Variants in KIAA0513 observed in about 807,000 individuals in gnomAD.
The protein encoded by KIAA0513 is KIAA0513, also known as uncharacterized protein KIAA0513.
KIAA0513 carries 39 observed loss-of-function variants against 56.5 expected under a neutral mutation model. The ratio of observed to expected loss-of-function variants is 0.69; its 90% CI spans 0.53 to 0.90. The LOEUF is 0.90. Among genes scored for constraint, KIAA0513 ranks in the 40% least tolerant of loss-of-function variants. KIAA0513 has a pLI of 0.00. For missense variants in KIAA0513, 591 were observed against 535.2 expected (o/e 1.10, Z -1.03); for synonymous variants, 268 against 215.6 (o/e 1.24, Z -2.13).
intron 1 of KIAA0513, among the ~76,000 whole-genome samples, chr16:85,030,988 T>C (rs1471351134): frequency 1.3e-5 from 2 of 152,178 alleles, no homozygotes; most frequent in East Asian, 3.8e-4. Context: ...ATCTACTCCA[T>C]GCTTAGAACA....
chr16:85,080,537 C>T (rs950860236), intron 8 of KIAA0513, among the ~76,000 whole-genome samples: 9 of 152,186 alleles, frequency 5.9e-5, no homozygotes, highest in Non-Finnish European at 1.0e-4. Flanking sequence ...CTCATGCCTG[C>T]AATCCCAGCA....
At chr16:85,087,197 C>T (rs780557561) in intron 12 of KIAA0513, 31 bp downstream of exon 12, 22 of 1,574,686 alleles carry the variant, frequency 1.4e-5, no homozygotes, top group South Asian at 1.0e-4. Flanking sequence ...TGGCAGGAGG[C>T]GGGCAGGGCT....
chr16:85,047,563 G>T (rs1348652751), intron 1 of KIAA0513, among the ~76,000 whole-genome samples: 10 of 152,186 alleles, frequency 6.6e-5, no homozygotes, highest in Non-Finnish European at 2.9e-5. Context: ...GGAAAGGAAG[G>T]TTTCCTCAGA....
intron 2 of KIAA0513, among the ~76,000 whole-genome samples, chr16:85,068,703 G>A (rs1249366809): frequency 6.6e-6 from 1 of 151,940 alleles, no homozygotes; most frequent in Non-Finnish European, 1.5e-5. Context: ...CTGACTTCAG[G>A]TGATCCGCCT....
At chr16:85,047,503 A>T (rs1384257132) in intron 1 of KIAA0513, among the ~76,000 whole-genome samples, 1 of 152,212 alleles carries the variant, frequency 6.6e-6, no homozygotes. Context: ...GACACGGAGA[A>T]AAAAAGCCAG....
chr16:85,070,453 G>T (rs2073556397), intron 2 of KIAA0513, among the ~76,000 whole-genome samples: 1 of 152,148 alleles, frequency 6.6e-6, no homozygotes, highest in Admixed American at 6.5e-5. Context: ...CGAGGCAGGT[G>T]TATCACCTAA....
At chr16:85,031,350 G>A (rs1224995440) in intron 1 of KIAA0513, among the ~76,000 whole-genome samples, 1 of 152,230 alleles carries the variant, frequency 6.6e-6, no homozygotes, top group African/African-American at 2.4e-5. Flanking sequence ...CAGGTGTGGT[G>A]GTGCAAACCT....
chr16:85,052,538 T>C (rs2073268726), intron 1 of KIAA0513, among the ~76,000 whole-genome samples: 1 of 152,122 alleles, frequency 6.6e-6, no homozygotes, highest in East Asian at 1.9e-4. Context: ...AATCAGTCAA[T>C]CAATCAATCG....
chr16:85,055,724 T>A (rs1052046245), intron 1 of KIAA0513, among the ~76,000 whole-genome samples: 3 of 152,324 alleles, frequency 2.0e-5, no homozygotes, highest in African/African-American at 2.4e-5. Context: ...CCTTTTGAAA[T>A]GAGGTTTCCA....
chr16:85,071,351 C>G (rs1031434151), intron 2 of KIAA0513, among the ~76,000 whole-genome samples: 2 of 152,198 alleles, frequency 1.3e-5, no homozygotes, highest in Admixed American at 1.3e-4. Flanking sequence ...AGAGCAAATT[C>G]AGGATGTCTT....
intron 2 of KIAA0513, among the ~76,000 whole-genome samples, chr16:85,070,102 C>G (rs1371183415): frequency 6.6e-6 from 1 of 150,488 alleles, no homozygotes; most frequent in Admixed American, 6.7e-5. Context: ...GCCAGGGAGG[C>G]TTAGGTTGCA....
chr16:85,067,006 A>T lies in KIAA0513; in HGVS notation c.-66A>T. ...CTCCTACTAACGCACCTGGGACACC[A>T]GGCTGCTGGGCTCCCCTCTAGGCAG... On this transcript the variant is annotated 5_prime_UTR_variant, in exon 2 of 13. Transcript: ENST00000683363. 1.4e-6 allele frequency: 2 copies of T among 1,421,222 alleles called. No individual in the cohort carries two copies. The highest frequency in any genetic ancestry group is 1.9e-6 in the Non-Finnish European group (2 of 1,062,922). The allele number at this position is 1,421,222 out of a possible 1,614,324, so 88.0% of individuals were successfully genotyped here. A position where few individuals can be genotyped will look rare whatever the true frequency, so the allele number is the denominator to read the frequency against.
At chr16:85,061,612 A>C (rs565677411) in intron 1 of KIAA0513, among the ~76,000 whole-genome samples, 1 of 152,178 alleles carries the variant, frequency 6.6e-6, no homozygotes, top group Admixed American at 6.5e-5. Context: ...AGGCTCACAG[A>C]AAGTTCCAGA....
Position 85,081,729 on chromosome 16 carries a change from G to A in KIAA0513, c.980+337G>A, listed in dbSNP as rs199854277. ...CAAAATCAGCATCCTGAGGATGAAC[G>A]CTTGGAGCAGGGTCCTGGGAGGAAG... On this transcript the variant is annotated intron_variant, in intron 9 of 12. Coordinates refer to ENST00000683363, the MANE Select transcript of KIAA0513 (RefSeq NM_001388359.1). This position sits in a 1 kb window ranked among gnomAD's most constrained non-coding sequence, Gnocchi z 4.4. 5.3e-5 allele frequency among the ~76,000 whole-genome samples: 8 copies of A among 152,338 alleles called. No homozygotes were observed. Among genetic ancestry groups the A allele is most frequent in the Admixed American group, 2.6e-4 (4 of 15,304 alleles).
rs2073758678 is a variant in KIAA0513, at chr16:85,082,572, C to CTGGA, written c.990_993dup (p.Glu332TrpfsTer52). 6.2e-7 allele frequency: 1 copy of CTGGA among 1,613,914 alleles called. No homozygotes were observed. ...TTCTGCTGCCGCTCCAGAGGGGATGCTGGAGAGGAGGAGGAGAAGAGGTGT... is the reference window on the plus strand; with the variant it reads ...TTCTGCTGCCGCTCCAGAGGGGATGCTGGATGGAGAGGAGGAGGAGAAGAGGTGT... On this transcript the variant is annotated frameshift_variant, in exon 10 of 13. Coordinates refer to ENST00000683363, the MANE Select transcript of KIAA0513 (RefSeq NM_001388359.1). LOFTEE classifies it high-confidence loss of function.
chr16:85,077,397 C>T (rs2073671600), intron 5 of KIAA0513, 28 bp from the exon 6 acceptor site: 2 of 1,609,654 alleles, frequency 1.2e-6, no homozygotes, highest in African/African-American at 1.3e-5. Flanking sequence ...GCCTCACTGG[C>T]CTCGTCTTGT....
Position 85,076,289 on chromosome 16 carries a change from G to C in KIAA0513, c.574+375G>C, listed in dbSNP as rs1354553626. On this transcript the variant is annotated intron_variant, in intron 5 of 12. Coordinates refer to ENST00000683363, the MANE Select transcript of KIAA0513 (RefSeq NM_001388359.1). The surrounding 1 kb of genome is among the most constrained non-coding windows in gnomAD (Gnocchi z 4.7). ...TTACCAAAACAAGACGACACAGTTG[G>C]TTGTTGGAGGGTGGTGGGGAGGAGC... Among the ~76,000 whole-genome samples, 1 of 152,222 alleles carries C rather than the reference G, an allele frequency of 6.6e-6. No individual in the cohort carries two copies. The highest frequency in any genetic ancestry group is 1.5e-5 in the Non-Finnish European group (1 of 68,042).
At chr16:85,040,147 C>T (rs2073086798) in intron 1 of KIAA0513, among the ~76,000 whole-genome samples, 1 of 152,152 alleles carries the variant, frequency 6.6e-6, no homozygotes, top group Non-Finnish European at 1.5e-5. Flanking sequence ...GAAGGGTTTT[C>T]AACAGGAAGC....
intron 8 of KIAA0513, chr16:85,079,798 C>T (rs1355395114): frequency 1.3e-5 from 2 of 152,176 alleles, no homozygotes; most frequent in African/African-American, 2.4e-5. Flanking sequence ...TGAATTATAT[C>T]CTAATTAAGC....
Sources: gnomAD v4.1 joint callset for allele counts (sites outside exome capture counted in the v4.1 genomes callset) on GRCh38, gnomAD v4.1.1 for gene constraint, Gnocchi (gnomAD v3.1) non-coding constraint, MANE v1.5 for transcripts, NCBI Gene and HGNC (gene_info 2026-07-23, HGNC 2026-07-21) for gene names.